Variants in ANO4 observed in about 807,000 individuals in gnomAD.
ANO4 encodes anoctamin-4.
A neutral mutation model predicts 141.9 loss-of-function variants in ANO4; 69 were observed. The observed-to-expected ratio is 0.49, with a 90% confidence interval of 0.40 to 0.59. The LOEUF (loss-of-function observed/expected upper bound fraction) is 0.59, where lower values mean the gene tolerates loss of function less well. Ranked by LOEUF, ANO4 falls within the 20% of genes least tolerant of loss-of-function variation. The pLI is 0.00. For missense variants in ANO4, 894 were observed against 1,162.2 expected (o/e 0.77, Z 3.36); for synonymous variants, 350 against 394.3 (o/e 0.89, Z 1.33).
intron 1 of ANO4, among the ~76,000 whole-genome samples, chr12:100,805,588 A>T (rs1467691146): frequency 6.6e-6 from 1 of 151,898 alleles, no homozygotes; most frequent in Non-Finnish European, 1.5e-5. Context: ...CATGAGCATG[A>T]GCATTGATTA....
In ANO4 at chr12:101,128,433, G is replaced by T. The variant is rs1566289925; in HGVS notation, c.*577G>T. The T allele has an allele frequency of 6.6e-6, 1 of 152,420 alleles. No individual in the cohort carries two copies. The highest frequency in any genetic ancestry group is 2.4e-5 in the African/African-American group (1 of 41,354). 9.4% of individuals were successfully genotyped at this position (152,420 alleles called of 1,614,324 possible). On this transcript the variant is annotated 3_prime_UTR_variant, in exon 28 of 28. Coordinates refer to ENST00000392977, the MANE Select transcript of ANO4 (RefSeq NM_001286615.2). ...TAGATGTATTTCTGTGTGTACATAT[G>T]TATAGTCATGTATTCCTGCATATGT...
chr12:100,883,287 G>A (rs2039661107), intron 1 of ANO4, among the ~76,000 whole-genome samples: 1 of 152,194 alleles, frequency 6.6e-6, no homozygotes, highest in Non-Finnish European at 1.5e-5. Context: ...TGAAGTAGGA[G>A]AACTTCTTTA....
intron 24 of ANO4, among the ~76,000 whole-genome samples, chr12:101,113,773 A>G (rs913227012): frequency 1.3e-5 from 2 of 152,182 alleles, no homozygotes; most frequent in African/African-American, 4.8e-5. Flanking sequence ...TTTCTTATGT[A>G]TTAAAGGATT....
chr12:100,765,379 CTTT>C (rs71091461), intron 3 of ANO4, among the ~76,000 whole-genome samples: 1 of 125,390 alleles, frequency 8.0e-6, no homozygotes, highest in Non-Finnish European at 1.6e-5. Flanking sequence ...TTCTTTCTTT[CTTT>C]TTTTTTTTTT....
intron 1 of ANO4, among the ~76,000 whole-genome samples, chr12:100,719,579 G>A (rs2030766619): frequency 6.6e-6 from 1 of 150,690 alleles, no homozygotes. Context: ...GGAATTTATA[G>A]GGTTCAATTT....
At chr12:101,116,597 G>A (rs1045541424) in intron 24 of ANO4, 82 bp from the exon 25 acceptor site, 8 of 1,597,230 alleles carry the variant, frequency 5.0e-6, no homozygotes, top group South Asian at 3.3e-5. Flanking sequence ...TTGCAGTGAC[G>A]TCTGGGAAGC....
At chr12:101,019,972 C>T (rs774991170) in intron 8 of ANO4, 62 bp from the exon 9 acceptor site, 82 of 1,399,148 alleles carry the variant, frequency 5.9e-5, no homozygotes, top group African/African-American at 5.4e-4. Context: ...CAAATTATAA[C>T]AAAAATTAGA....
chr12:100,973,147 C>G (rs564450152), intron 6 of ANO4, among the ~76,000 whole-genome samples: 1 of 152,196 alleles, frequency 6.6e-6, no homozygotes, highest in Non-Finnish European at 1.5e-5. Context: ...TAATTGACCT[C>G]ATTAATATTG....
At chr12:100,960,090 A>G (rs997913505) in intron 5 of ANO4, among the ~76,000 whole-genome samples, 5 of 152,132 alleles carry the variant, frequency 3.3e-5, no homozygotes, top group Admixed American at 1.3e-4. Flanking sequence ...TCACAGCTCA[A>G]TGGCTAGAGC....
chr12:100,747,835 T>C (rs1355884488), intron 3 of ANO4, among the ~76,000 whole-genome samples: 1 of 152,248 alleles, frequency 6.6e-6, no homozygotes, highest in Non-Finnish European at 1.5e-5. Flanking sequence ...ATTGCACCAC[T>C]GCACTCCAGC....
intron 14 of ANO4, among the ~76,000 whole-genome samples, chr12:101,060,035 G>C (rs594633): frequency 0.24 from 36,145 of 152,090 alleles, 4,705 homozygotes; most frequent in East Asian, 0.56. Context: ...AAATTTCCCT[G>C]CAAACACTGC....
At chr12:101,094,597 G>A (rs944564825) in intron 18 of ANO4, among the ~76,000 whole-genome samples, 2 of 152,110 alleles carry the variant, frequency 1.3e-5, no homozygotes, top group African/African-American at 4.8e-5. Flanking sequence ...GTATAATTTA[G>A]GAAAGTGTTC....
chr12:100,985,446 A>G (rs1452433927), intron 7 of ANO4, among the ~76,000 whole-genome samples: 1 of 152,192 alleles, frequency 6.6e-6, no homozygotes, highest in African/African-American at 2.4e-5. Context: ...CGAATTGGGT[A>G]TCATTATCAT....
chr12:101,016,070 C>A (rs1439486015), intron 8 of ANO4, among the ~76,000 whole-genome samples: 1 of 152,130 alleles, frequency 6.6e-6, no homozygotes, highest in African/African-American at 2.4e-5. Context: ...GAAGAGATGG[C>A]AAGAGCAAGA....
chr12:100,913,259 A>G (rs901944289), intron 2 of ANO4, among the ~76,000 whole-genome samples: 3 of 152,214 alleles, frequency 2.0e-5, no homozygotes, highest in African/African-American at 7.2e-5. Flanking sequence ...AGAGCCATAA[A>G]AAGGCAGCCA....
Position 100,958,229 on chromosome 12 carries a change from A to C in ANO4, c.457-13077A>C, listed in dbSNP as rs189670436. ...AAACATGCTGACTGGTTCACTTTAC[A>C]TCATGACCGCAGTCTCACACAGGTA... On this transcript the variant is annotated intron_variant, in intron 5 of 27. Transcript: ENST00000392977. Among the ~76,000 whole-genome samples the C allele has an allele frequency of 2.3e-4, 35 of 152,326 alleles. 1 individual carries two copies. The East Asian group carries it at 6.6e-3, about 29-fold the overall frequency.
chr12:100,889,714 G>A (rs1331813156), intron 1 of ANO4, among the ~76,000 whole-genome samples: 2 of 152,114 alleles, frequency 1.3e-5, no homozygotes, highest in Non-Finnish European at 2.9e-5. Context: ...AGTTAGAATG[G>A]CAATCATTAA....
chr12:100,721,140 C>T (rs1387391567), intron 1 of ANO4, among the ~76,000 whole-genome samples: 1 of 152,194 alleles, frequency 6.6e-6, no homozygotes, highest in Non-Finnish European at 1.5e-5. Context: ...GCTCTTCTCT[C>T]TTTGTGTTAG....
intron 8 of ANO4, among the ~76,000 whole-genome samples, chr12:101,006,113 A>C (rs1248102589): frequency 6.6e-6 from 1 of 152,182 alleles, no homozygotes; most frequent in East Asian, 1.9e-4. Flanking sequence ...TTATTGATGC[A>C]ACCAATAAAT....
Sources: allele counts gnomAD v4.1 joint callset (sites outside exome capture counted in the v4.1 genomes callset), GRCh38; gene constraint gnomAD v4.1.1; transcripts MANE v1.5; gene names NCBI Gene and HGNC (gene_info 2026-07-23, HGNC 2026-07-21).